CDH23: variants seen among roughly 807,000 people sequenced by gnomAD.
CDH23 encodes the protein cadherin related 23, also known as cadherin-23.
In CDH23, 189 loss-of-function variants were observed where a neutral mutation model predicts 317.1. The observed-to-expected ratio is 0.60, with a 90% CI of 0.53 to 0.67. The LOEUF is 0.67. Ranked by LOEUF, CDH23 falls within the 30% of genes least tolerant of loss-of-function variation. The pLI is 0.00. For synonymous variants in CDH23, 1,839 were observed against 1,876.8 expected (o/e 0.98, Z 0.52); for missense variants, 4,401 against 4,592.4 (o/e 0.96, Z 1.20).
chr10:71,706,586 C>T (rs573865460), intron 25 of CDH23, among the ~76,000 whole-genome samples: 19 of 152,318 alleles, frequency 1.2e-4, no homozygotes, highest in African/African-American at 3.4e-4. Flanking sequence ...TTGCCATGGT[C>T]GTTGTTAGGT....
intron 14 of CDH23, among the ~76,000 whole-genome samples, chr10:71,658,766 C>T (rs1863522692): frequency 6.6e-6 from 1 of 152,132 alleles, no homozygotes; most frequent in African/African-American, 2.4e-5. Context: ...GGATTCAGAC[C>T]CCAGACGGTC....
At chr10:71,540,570 C>A (rs925917287) in intron 6 of CDH23, among the ~76,000 whole-genome samples, 7 of 152,104 alleles carry the variant, frequency 4.6e-5, no homozygotes, top group Middle Eastern at 3.2e-3. Flanking sequence ...CTTATTCCCC[C>A]CATTTCACTT....
At chr10:71,775,731 A>T (rs1244111576) in intron 38 of CDH23, among the ~76,000 whole-genome samples, 1 of 150,966 alleles carries the variant, frequency 6.6e-6, no homozygotes, top group Admixed American at 6.6e-5. Context: ...CAAACTCTCC[A>T]CTCCCAGCCC....
chr10:71,555,792 A>G (rs1413872750), intron 6 of CDH23, among the ~76,000 whole-genome samples: 1 of 152,192 alleles, frequency 6.6e-6, no homozygotes, highest in East Asian at 1.9e-4. Flanking sequence ...TGGCCTTGAA[A>G]GTCAAGCTCC....
At chr10:71,678,242 T>A (rs578249403) in intron 16 of CDH23, among the ~76,000 whole-genome samples, 52 of 152,054 alleles carry the variant, frequency 3.4e-4, no homozygotes, top group Non-Finnish European at 6.5e-4. Context: ...AACGACTGAC[T>A]AGAATCAGGA....
intron 14 of CDH23, among the ~76,000 whole-genome samples, chr10:71,668,472 C>T (rs1434958172): frequency 4.6e-5 from 7 of 152,208 alleles, no homozygotes; most frequent in Admixed American, 3.3e-4. Context: ...TAAGAGCACA[C>T]GCCTTGGAGT....
At chr10:71,640,069 T>C (rs1862464302) in intron 11 of CDH23, among the ~76,000 whole-genome samples, 1 of 152,166 alleles carries the variant, frequency 6.6e-6, no homozygotes, top group South Asian at 2.1e-4. Context: ...GCAAGTCTCA[T>C]TCATTTGAAA....
At chr10:71,765,051 G>A (rs975974370) in intron 38 of CDH23, among the ~76,000 whole-genome samples, 4 of 152,332 alleles carry the variant, frequency 2.6e-5, no homozygotes, top group South Asian at 2.1e-4. Flanking sequence ...TGGCTCTGCC[G>A]GGAAACAGAA....
chr10:71,531,784 A>C (rs929788958), intron 6 of CDH23, among the ~76,000 whole-genome samples: 1 of 152,074 alleles, frequency 6.6e-6, no homozygotes, highest in Non-Finnish European at 1.5e-5. Context: ...CTACACATAG[A>C]TTGGTTCTGT....
rs117400051 is a variant in CDH23 at position 71,622,980 on chromosome 10, C to T, written c.1134+5587C>T. On this transcript the variant is annotated intron_variant, in intron 11 of 69. Coordinates refer to ENST00000224721, the MANE Select transcript of CDH23 (RefSeq NM_022124.6). ...TCCTGAGGGACTATGCTGAAACTTA[C>T]GCAGGTTGGGGGTTAGTTATTAATT... The T allele has an allele frequency of 1.4e-4, 135 of 984,470 alleles. No homozygotes were observed. The East Asian group carries it at 5.7e-3, about 41-fold the overall frequency. 61.0% of individuals were successfully genotyped at this position (984,470 alleles called of 1,614,324 possible).
intron 39 of CDH23, 82 bp downstream of exon 39, chr10:71,777,983 A>G: frequency 4.0e-6 from 6 of 1,503,542 alleles, no homozygotes; most frequent in Non-Finnish European, 5.5e-6. Context: ...CTGGAGGGGG[A>G]TGGAGCAAAG....
At chr10:71,730,315 A>G (rs1481056454) in intron 30 of CDH23, among the ~76,000 whole-genome samples, 154 bp from the exon 31 acceptor site, 1 of 152,234 alleles carries the variant, frequency 6.6e-6, no homozygotes, top group Admixed American at 6.5e-5. Context: ...GGTGGTGGTC[A>G]CAGTGACCCA....
At chr10:71,510,794 C>A (rs1354021209) in intron 4 of CDH23, among the ~76,000 whole-genome samples, 160 bp from the exon 5 acceptor site, 3 of 152,162 alleles carry the variant, frequency 2.0e-5, no homozygotes, top group African/African-American at 7.2e-5. Context: ...GCTTCCCCAA[C>A]CCAAAGGGCA....
At chr10:71,487,210 A>G (rs910526204) in intron 3 of CDH23, among the ~76,000 whole-genome samples, 12 of 152,262 alleles carry the variant, frequency 7.9e-5, no homozygotes, top group African/African-American at 2.9e-4. Context: ...AGTGCAAGAC[A>G]GTAGACTACT....
chr10:71,445,631 G>A (rs1281383489), intron 2 of CDH23, among the ~76,000 whole-genome samples: 3 of 152,142 alleles, frequency 2.0e-5, no homozygotes, highest in Non-Finnish European at 4.4e-5. Flanking sequence ...TTGAGCCCAG[G>A]AGTTGGAGAC....
Position 71,807,576 on chromosome 10 carries a change from AC to A in CDH23, c.8371del (p.Leu2791TrpfsTer46). The A allele has an allele frequency of 6.2e-7, 1 of 1,613,920 alleles. No individual in the cohort carries two copies. Among genetic ancestry groups the A allele is most frequent in the South Asian group, 1.1e-5 (1 of 91,070 alleles). ...QPDGCLLVLR[D>X]LDREREAIFS... ...GATGGGTGTCTGCTGGTGCTGCGGG[AC>A]CTGGACCGGGAGCGAGAAGCCATCT... On this transcript the variant is annotated frameshift_variant, in exon 59 of 70. Transcript: ENST00000224721. LOFTEE classifies it high-confidence loss of function.
chr10:71,687,895 G>A (rs1320556416), intron 19 of CDH23, among the ~76,000 whole-genome samples, 176 bp downstream of exon 19: 2 of 152,210 alleles, frequency 1.3e-5, no homozygotes, highest in Admixed American at 6.5e-5. Context: ...CTAGTTACCT[G>A]CCAGCTAACA....
At chr10:71,733,035 C>T (rs137871600) in intron 32 of CDH23, among the ~76,000 whole-genome samples, 235 of 152,258 alleles carry the variant, frequency 1.5e-3, no homozygotes, top group African/African-American at 5.4e-3. Context: ...AGCTGCCAAT[C>T]ACAACCTCTA....
chr10:71,732,118 G>A lies in CDH23; in HGVS notation c.3847G>A (p.Val1283Met), dbSNP rs758413650. 31 of 1,614,012 alleles carry A rather than the reference G, an allele frequency of 1.9e-5. No homozygotes were observed. In the South Asian group the frequency reaches 3.1e-4, roughly 16 times the overall value. Residue 1283 changes from valine (V) to methionine (M), a missense_variant, in exon 32 of 70, where the codon GTG (valine) becomes ATG (methionine). Physicochemically the swap from Val to Met is conservative, Grantham distance 21. Around this residue, in one of 3 missense-constraint regions of CDH23, gnomAD observed 3,068 missense variants for 3,203.3 expected, o/e 0.96. Coordinates refer to ENST00000224721, the MANE Select transcript of CDH23 (RefSeq NM_022124.6). ...GACCAAGACCAGCTACATGATGAAT[G>A]TGTCGGCCACTGACCAGGCCCCGCC... ...YETKTSYMMN[V>M]SATDQAPPFN...
Sources: gnomAD v4.1 joint callset for allele counts (sites outside exome capture counted in the v4.1 genomes callset) on GRCh38, gnomAD v4.1.1 for gene constraint, gnomAD v4.1.1 regional missense constraint, MANE v1.5 for transcripts, NCBI Gene and HGNC (gene_info 2026-07-23, HGNC 2026-07-21) for gene names.